Variants in UBOX5 observed in about 807,000 individuals in gnomAD.
The protein encoded by UBOX5 is U-box domain containing 5.
In UBOX5, 28 loss-of-function variants were observed where a neutral mutation model predicts 39.0. The ratio of observed to expected loss-of-function variants is 0.72; its 90% CI spans 0.53 to 0.98. The LOEUF is 0.98. Ranked by LOEUF, UBOX5 falls within the 50% of genes least tolerant of loss-of-function variation. UBOX5 has a pLI of 0.00. For missense variants in UBOX5, 585 were observed against 674.4 expected (o/e 0.87, Z 1.47); for synonymous variants, 283 against 275.5 (o/e 1.03, Z -0.27).
intron 3 of UBOX5, among the ~76,000 whole-genome samples, chr20:3,116,279 C>G (rs2066293241): frequency 1.3e-5 from 2 of 152,148 alleles, no homozygotes; most frequent in Admixed American, 6.5e-5. Flanking sequence ...GCAGTTTTTA[C>G]CGAATAGAAC....
chr20:3,124,337 C>T (rs1169899487), intron 1 of UBOX5, among the ~76,000 whole-genome samples: 4 of 152,182 alleles, frequency 2.6e-5, no homozygotes, highest in East Asian at 3.9e-4. Context: ...TCTCCTGCCT[C>T]GGCCTGCCGA....
intron 1 of UBOX5, among the ~76,000 whole-genome samples, chr20:3,144,500 CTAAATA>C (rs1325489681): frequency 6.6e-6 from 1 of 152,056 alleles, no homozygotes; most frequent in Non-Finnish European, 1.5e-5. Flanking sequence ...GATCAAAGAC[CTAAATA>C]TAAAGAGCTC....
chr20:3,112,873 G>A (rs1363181741), intron 4 of UBOX5, among the ~76,000 whole-genome samples: 1 of 152,116 alleles, frequency 6.6e-6, no homozygotes, highest in African/African-American at 2.4e-5. Context: ...GGCTGAGACA[G>A]GAGGATTGCT....
intron 1 of UBOX5, among the ~76,000 whole-genome samples, chr20:3,129,397 C>T (rs2066413251): frequency 6.6e-6 from 1 of 152,138 alleles, no homozygotes; most frequent in Admixed American, 6.6e-5. Flanking sequence ...AATTCAGTGG[C>T]CGACTTGTGA....
chr20:3,126,480 C>A (rs558745432), intron 1 of UBOX5, among the ~76,000 whole-genome samples: 1 of 145,330 alleles, frequency 6.9e-6, no homozygotes, highest in Non-Finnish European at 1.5e-5. Context: ...TCCCCCTCTC[C>A]GAGAAACACC....
intron 1 of UBOX5, chr20:3,147,803 G>A (rs200365167): frequency 2.4e-5 from 39 of 1,614,180 alleles, no homozygotes; most frequent in South Asian, 1.1e-5. Flanking sequence ...TCGACAGTGT[G>A]CCACTCTAGG....
intron 1 of UBOX5, among the ~76,000 whole-genome samples, chr20:3,141,990 G>A (rs895407779): frequency 2.0e-5 from 3 of 151,950 alleles, no homozygotes; most frequent in African/African-American, 7.3e-5. Flanking sequence ...TCCAGCCTGG[G>A]CAACAGAGTG....
intron 1 of UBOX5, among the ~76,000 whole-genome samples, chr20:3,155,252 G>A (rs1056291050): frequency 6.6e-6 from 1 of 151,202 alleles, no homozygotes; most frequent in African/African-American, 2.4e-5. Context: ...AAAGTAGGCT[G>A]GGCACAGCGG....
intron 1 of UBOX5, among the ~76,000 whole-genome samples, chr20:3,156,439 A>G (rs1328299985): frequency 6.6e-6 from 1 of 152,110 alleles, no homozygotes; most frequent in African/African-American, 2.4e-5. Flanking sequence ...TTGGCCTCCC[A>G]AAGTACTGAG....
chr20:3,120,936 C>T lies in UBOX5; in HGVS notation c.1255+448G>A, dbSNP rs74444366. Among the ~76,000 whole-genome samples, 641 of 152,194 alleles carry T rather than the reference C, an allele frequency of 4.2e-3. 4 individuals carry two copies. The highest frequency in any genetic ancestry group is 0.015 in the African/African-American group (614 of 41,546). ...CTCTGTGACGGTTAGAAATAACACCCAGAGGAGCCCACTGTCACATGAGTA... is the reference window on the plus strand; with the variant it reads ...CTCTGTGACGGTTAGAAATAACACCTAGAGGAGCCCACTGTCACATGAGTA... On this transcript the variant is annotated intron_variant, in intron 3 of 4. Coordinates refer to ENST00000217173, the MANE Select transcript of UBOX5 (RefSeq NM_014948.4).
At chr20:3,155,088 G>GA (rs1202796689) in intron 1 of UBOX5, among the ~76,000 whole-genome samples, 1 of 148,154 alleles carries the variant, frequency 6.7e-6, no homozygotes, top group Non-Finnish European at 1.5e-5. Flanking sequence ...GAAAAGAAAA[G>GA]AAAAAATAAA....
chr20:3,148,060 C>T (rs943557879), intron 1 of UBOX5: 7 of 1,614,184 alleles, frequency 4.3e-6, no homozygotes, highest in African/African-American at 1.3e-5. Flanking sequence ...CAATTTTCCG[C>T]ATGACAAATT....
At position 3,115,417 on chromosome 20, in the gene UBOX5, C is replaced by T. The variant is rs767702020; in HGVS notation, c.1305G>A (p.Leu435=). 20 of 1,613,908 alleles carry T rather than the reference C, an allele frequency of 1.2e-5. No individual in the cohort carries two copies. The highest frequency in any genetic ancestry group is 1.6e-5 in the Non-Finnish European group (19 of 1,179,992). Residue 435 remains leucine (L), a synonymous_variant, in exon 4 of 5, where the codon TTG becomes TTA. Transcript: ENST00000217173. ...QKLSQSLEIA[L]ASTLGSMPSF... is the part of the protein sequence containing the mutation. ...AGGGCATAGAGCCAAGGGTGGATGC[C>T]AAGGCAATTTCCAAGCTTTGTGACA...
At chr20:3,137,784 A>G (rs1265086605) in intron 1 of UBOX5, among the ~76,000 whole-genome samples, 3 of 152,228 alleles carry the variant, frequency 2.0e-5, no homozygotes. Context: ...GTTATCCTTT[A>G]GAAAGTCTTT....
intron 1 of UBOX5, among the ~76,000 whole-genome samples, chr20:3,138,274 CAAA>C (rs60424679): frequency 7.5e-5 from 8 of 106,054 alleles, no homozygotes; most frequent in African/African-American, 1.2e-4. Context: ...GAGACTGTCT[CAAA>C]AAAAAAAAAA....
rs117630703 is a variant in UBOX5, at chr20:3,137,829, A to T, written c.-41-14423T>A. ...AATCCAAATACTCTACTTCCACAGA[A>T]GTCTTGAAATTTTTCACCCAGATCT... On this transcript the variant is annotated intron_variant, in intron 1 of 4. Coordinates refer to ENST00000217173, the MANE Select transcript of UBOX5 (RefSeq NM_014948.4). 3.9e-5 allele frequency among the ~76,000 whole-genome samples: 6 copies of T among 152,346 alleles called. No homozygotes were observed. The East Asian group carries it at 1.2e-3, about 29-fold the overall frequency.
In UBOX5 at chr20:3,110,254, T is replaced by G. The variant is rs748128271; in HGVS notation, c.1478A>C (p.Tyr493Ser). The G allele has an allele frequency of 9.9e-6, 16 of 1,613,938 alleles. No homozygotes were observed. In the East Asian group the frequency reaches 3.3e-4, roughly 34 times the overall value. The change falls in exon 5 of 5, where the codon TAC (tyrosine) becomes TCC (serine). Residue 493 changes from tyrosine to serine, a missense_variant. Coordinates refer to ENST00000217173, the MANE Select transcript of UBOX5 (RefSeq NM_014948.4). The part of the protein sequence containing the change: ...CASCKRVFSP[Y>S]FKKEPVYQLP... ...CTGGTACACCGGCTCCTTTTTGAAG[T>G]AGGGAGAAAATACTCTTTTGCAGGA...
At chr20:3,115,183 G>T in intron 4 of UBOX5, 122 bp downstream of exon 4, 2 of 1,297,458 alleles carry the variant, frequency 1.5e-6, no homozygotes, top group Non-Finnish European at 2.0e-6. Flanking sequence ...GTGGGTGTTG[G>T]AACTGACGGG....
At chr20:3,131,100 G>A (rs2066425971) in intron 1 of UBOX5, among the ~76,000 whole-genome samples, 1 of 152,050 alleles carries the variant, frequency 6.6e-6, no homozygotes, top group African/African-American at 2.4e-5. Context: ...ATGGTGGCGT[G>A]AGCCTGTAGC....
Sources: gnomAD v4.1 joint callset for allele counts (sites outside exome capture counted in the v4.1 genomes callset) on GRCh38, gnomAD v4.1.1 for gene constraint, MANE v1.5 for transcripts, NCBI Gene and HGNC (gene_info 2026-07-23, HGNC 2026-07-21) for gene names.